The following SPSB4 variants were observed in gnomAD, a reference collection of about 807,000 sequenced individuals.
SPSB4 encodes splA/ryanodine receptor domain and SOCS box containing 4.
A neutral mutation model predicts 20.9 loss-of-function variants in SPSB4; 21 were observed. That is an observed-to-expected ratio of 1.01 (90% CI 0.71 to 1.45). SPSB4 has a LOEUF of 1.45. SPSB4 is among the 40% of genes most tolerant of loss of function. The pLI, the probability that SPSB4 is intolerant of heterozygous loss-of-function variation, is 0.00. For missense variants in SPSB4, 399 were observed against 399.2 expected, an observed-to-expected ratio of 1.00 and a Z score of 0.00; for synonymous variants, 207 against 183.8, an observed-to-expected ratio of 1.13 and a Z score of -1.02.
At chr3:141,060,241 G>A (rs1360558626) in intron 1 of SPSB4, among the ~76,000 whole-genome samples, 1 of 152,180 alleles carries the variant, frequency 6.6e-6, no homozygotes, top group East Asian at 1.9e-4. Flanking sequence ...GGTCTTCCCT[G>A]GGGCTGCTGT....
chr3:141,120,738 G>A lies in SPSB4; in HGVS notation c.695-26404G>A, dbSNP rs539579532. Among the ~76,000 whole-genome samples, 44 of 152,182 alleles carry A rather than the reference G, an allele frequency of 2.9e-4. No individual in the cohort carries two copies. In the South Asian group the frequency reaches 4.2e-3, roughly 14 times the overall value. On this transcript the variant is annotated intron_variant, in intron 2 of 2. Transcript: ENST00000310546. ...ATCAGAGACTAGGATTGCGACCCCTGCCTTTTTTTGTTTTCCATTTGCTTG... is the reference window on the plus strand; with the variant it reads ...ATCAGAGACTAGGATTGCGACCCCTACCTTTTTTTGTTTTCCATTTGCTTG...
At chr3:141,106,905 C>T (rs987119967) in intron 2 of SPSB4, among the ~76,000 whole-genome samples, 1 of 152,216 alleles carries the variant, frequency 6.6e-6, no homozygotes, top group Non-Finnish European at 1.5e-5. Flanking sequence ...CATACACATT[C>T]TAGAGGCCTC....
At chr3:141,111,655 T>A (rs1409934569) in intron 2 of SPSB4, among the ~76,000 whole-genome samples, 1 of 152,180 alleles carries the variant, frequency 6.6e-6, no homozygotes, top group African/African-American at 2.4e-5. Context: ...TCCTGAGTGT[T>A]CCGTCCTAGG....
At chr3:141,067,434 T>C (rs1937909024) in intron 2 of SPSB4, among the ~76,000 whole-genome samples, 1 of 152,156 alleles carries the variant, frequency 6.6e-6, no homozygotes, top group Non-Finnish European at 1.5e-5. Flanking sequence ...TGTGACTTTT[T>C]CCAAGAGAGC....
intron 2 of SPSB4, among the ~76,000 whole-genome samples, chr3:141,082,248 G>C (rs915814283): frequency 1.7e-4 from 26 of 152,366 alleles, no homozygotes; most frequent in African/African-American, 6.0e-4. Flanking sequence ...AAAAGCCAGA[G>C]CTGGGCTTTG....
chr3:141,094,840 C>T (rs1202720689), intron 2 of SPSB4, among the ~76,000 whole-genome samples: 1 of 135,802 alleles, frequency 7.4e-6, no homozygotes, highest in African/African-American at 2.7e-5. Flanking sequence ...TGTACACATT[C>T]TCCAGCCCCC....
Position 141,051,927 on chromosome 3 carries a change from C to A in SPSB4, c.-219C>A, listed in dbSNP as rs549164087. On this transcript the variant is annotated 5_prime_UTR_variant, in exon 1 of 3. Coordinates refer to ENST00000310546, the MANE Select transcript of SPSB4 (RefSeq NM_080862.3). The stretch of plus-strand genomic sequence containing the variant: ...GCGGCGGCGGCAGCAGACCCCTCTC[C>A]AGGGAGTCCAGGACCTGCCAGCGCT... The A allele has an allele frequency of 6.6e-6, 1 of 152,540 alleles. No individual in the cohort carries two copies. The highest frequency in any genetic ancestry group is 2.1e-4 in the South Asian group (1 of 4,834). The allele number at this position is 152,540 out of a possible 1,614,324, so 9.4% of individuals were successfully genotyped here. A position where few individuals can be genotyped will look rare whatever the true frequency, so the allele number is the denominator to read the frequency against.
chr3:141,099,476 C>T (rs929613025), intron 2 of SPSB4, among the ~76,000 whole-genome samples: 1 of 152,166 alleles, frequency 6.6e-6, no homozygotes, highest in African/African-American at 2.4e-5. Flanking sequence ...AAGGAATGCT[C>T]TTATTTATAC....
chr3:141,094,526 G>T (rs1330319794), intron 2 of SPSB4, among the ~76,000 whole-genome samples: 1 of 152,164 alleles, frequency 6.6e-6, no homozygotes, highest in Non-Finnish European at 1.5e-5. Flanking sequence ...GAGAATGGCT[G>T]GTGAGAGACT....
chr3:141,102,922 C>T (rs1347711252), intron 2 of SPSB4, among the ~76,000 whole-genome samples: 1 of 152,162 alleles, frequency 6.6e-6, no homozygotes, highest in Non-Finnish European at 1.5e-5. Flanking sequence ...ATCTCTGCCT[C>T]TACCTCACAC....
intron 2 of SPSB4, chr3:141,123,979 G>A (rs16851066): frequency 0.07 from 10,625 of 152,334 alleles, 747 homozygotes; most frequent in Admixed American, 0.22. Flanking sequence ...CCAAGGAACT[G>A]GTGCTGTGTG....
chr3:141,131,349 T>C (rs1939127249), intron 2 of SPSB4, among the ~76,000 whole-genome samples: 1 of 152,202 alleles, frequency 6.6e-6, no homozygotes, highest in Admixed American at 6.5e-5. Flanking sequence ...TTTTTTTTAA[T>C]GTAAACTTAT....
At chr3:141,063,797 A>G (rs919157) in intron 1 of SPSB4, among the ~76,000 whole-genome samples, 48,005 of 152,168 alleles carry the variant, frequency 0.32, 11,523 homozygotes, top group African/African-American at 0.67. Flanking sequence ...TGCAGGAGAC[A>G]CATGTGGAGG....
intron 2 of SPSB4, among the ~76,000 whole-genome samples, chr3:141,079,902 TGGCAG>T (rs1452765464): frequency 1.3e-5 from 2 of 151,994 alleles, no homozygotes; most frequent in Non-Finnish European, 2.9e-5. Context: ...AGCCCATGGC[TGGCAG>T]GGCTGGGGAT....
intron 2 of SPSB4, among the ~76,000 whole-genome samples, chr3:141,094,322 T>G (rs73872056): frequency 0.035 from 5,323 of 152,310 alleles, 272 homozygotes; most frequent in East Asian, 0.14. Context: ...ACTTGGTGAA[T>G]GAATGAGTCA....
chr3:141,069,828 C>G (rs934555402), intron 2 of SPSB4, among the ~76,000 whole-genome samples: 1 of 152,132 alleles, frequency 6.6e-6, no homozygotes, highest in Non-Finnish European at 1.5e-5. Context: ...TGGCTTAAAG[C>G]AAAATGGCCT....
At chr3:141,070,937 C>G (rs1285954326) in intron 2 of SPSB4, among the ~76,000 whole-genome samples, 2 of 152,236 alleles carry the variant, frequency 1.3e-5, no homozygotes, top group Non-Finnish European at 2.9e-5. Flanking sequence ...CCGTGCAGCC[C>G]AGGGCCAGGT....
intron 1 of SPSB4, among the ~76,000 whole-genome samples, chr3:141,059,192 G>A (rs1000223145): frequency 2.6e-5 from 4 of 152,196 alleles, no homozygotes; most frequent in African/African-American, 9.7e-5. Flanking sequence ...TACTGGATCA[G>A]GGCAGGCTTC....
intron 2 of SPSB4, among the ~76,000 whole-genome samples, chr3:141,076,367 C>CA (rs1250520658): frequency 6.6e-6 from 1 of 152,214 alleles, no homozygotes; most frequent in Non-Finnish European, 1.5e-5. Context: ...TTATAGTTGC[C>CA]AATGCAGTGT....
Sources: gnomAD v4.1 joint callset for allele counts (sites outside exome capture counted in the v4.1 genomes callset) on GRCh38, gnomAD v4.1.1 for gene constraint, MANE v1.5 for transcripts, NCBI Gene and HGNC (gene_info 2026-07-23, HGNC 2026-07-21) for gene names.